The following EFR3A variants were observed in gnomAD, a reference collection of about 807,000 sequenced individuals.
EFR3A encodes EFR3 homolog A, also known as protein EFR3 homolog A.
In EFR3A, 76 loss-of-function variants were observed where a neutral mutation model predicts 104.4. That is an observed-to-expected ratio of 0.73 (90% CI 0.60 to 0.88). The LOEUF is 0.88. Among genes scored for constraint, EFR3A ranks in the 40% least tolerant of loss-of-function variants. The pLI is 0.00. For missense variants in EFR3A, 985 were observed against 1,012.5 expected, an observed-to-expected ratio of 0.97 and a Z score of 0.37; for synonymous variants, 330 against 330.0, an observed-to-expected ratio of 1.00 and a Z score of 0.00.
At chr8:131,975,963 A>G in intron 10 of EFR3A, 64 bp from the exon 11 acceptor site, 1 of 1,019,354 alleles carries the variant, frequency 9.8e-7, no homozygotes, top group Non-Finnish European at 1.5e-6. Flanking sequence ...GCTAAAAATA[A>G]TTTTGTATTA....
chr8:131,951,634 T>G (rs1364516919), intron 5 of EFR3A, among the ~76,000 whole-genome samples: 4 of 152,134 alleles, frequency 2.6e-5, no homozygotes, highest in Non-Finnish European at 5.9e-5. Context: ...GTGAAATATC[T>G]TGTCTTTTGA....
At position 131,977,094 on chromosome 8, in the gene EFR3A, T is replaced by C; in HGVS notation, c.1326+2T>C. 6.3e-7 allele frequency: 1 copy of C among 1,596,242 alleles called. No homozygotes were observed. Among genetic ancestry groups the C allele is most frequent in the Non-Finnish European group, 8.5e-7 (1 of 1,169,664 alleles). On this transcript the variant is annotated splice_donor_variant, in intron 12 of 22. Coordinates refer to ENST00000254624, the MANE Select transcript of EFR3A (RefSeq NM_015137.6). LOFTEE classifies it high-confidence loss of function. ...ATGTTGCTGAGATCTTTGCTTATGG[T>C]AAGGCATTTAAGACAAATAAAGGAC...
chr8:131,917,997 A>G (rs1315015819), intron 1 of EFR3A, among the ~76,000 whole-genome samples: 3 of 152,204 alleles, frequency 2.0e-5, no homozygotes, highest in Admixed American at 2.0e-4. Flanking sequence ...TGATAAATTA[A>G]AAGAATAGGG....
intron 22 of EFR3A, among the ~76,000 whole-genome samples, chr8:132,009,875 A>G (rs1822243662): frequency 6.6e-6 from 1 of 152,238 alleles, no homozygotes; most frequent in African/African-American, 2.4e-5. Context: ...GCATTTGGCA[A>G]CAAAAAAAGT....
Position 131,959,611 on chromosome 8 carries a change from A to G in EFR3A, c.803A>G (p.Asp268Gly). Residue 268 changes from aspartate to glycine, a missense_variant, in exon 8 of 23, where the codon GAT becomes GGT. Physicochemically the swap from Asp to Gly is moderately conservative, Grantham distance 94. Transcript: ENST00000254624. ...FAHLDHHKLW[D>G]PNEFAVHCFK... is the part of the protein sequence containing the mutation. ...CATTTAGATCATCACAAACTGTGGG[A>G]TCCCAATGAATTTGCAGTTCACTGC... The G allele has an allele frequency of 6.2e-7, 1 of 1,612,148 alleles. No individual in the cohort carries two copies.
At chr8:131,987,549 G>A (rs1316478640) in intron 17 of EFR3A, 26 bp from the exon 18 acceptor site, 1 of 1,573,296 alleles carries the variant, frequency 6.4e-7, no homozygotes, top group Non-Finnish European at 8.6e-7. Flanking sequence ...AATACTGAAT[G>A]ATTGTTGTTT....
chr8:131,975,960 A>T lies in EFR3A; in HGVS notation c.1160-67A>T, dbSNP rs747532275. 7.0e-5 allele frequency: 70 copies of T among 996,292 alleles called. No individual in the cohort carries two copies. In the Admixed American group the frequency reaches 8.0e-4, roughly 11 times the overall value. The allele number at this position is 996,292 out of a possible 1,614,324, so 61.7% of individuals were successfully genotyped here. ...CACATATTGAAAACTTTGGCTAAAA[A>T]TAATTTTGTATTATATGGAAAAGTA... On this transcript the variant is annotated intron_variant, in intron 10 of 22. Coordinates refer to ENST00000254624, the MANE Select transcript of EFR3A (RefSeq NM_015137.6).
Position 131,979,269 on chromosome 8 carries a change from A to G in EFR3A, c.1500-77A>G, listed in dbSNP as rs1022251644. The G allele has an allele frequency of 6.1e-5, 73 of 1,203,292 alleles. No individual in the cohort carries two copies. The Middle Eastern group carries it at 7.5e-4, about 12-fold the overall frequency. The allele number at this position is 1,203,292 out of a possible 1,614,324, so 74.5% of individuals were successfully genotyped here. A position where few individuals can be genotyped will look rare whatever the true frequency, so the allele number is the denominator to read the frequency against. ...AGGCTTATCAAACTCCTAAGTATAAATACAATTTTCCATATAAGATGTGAT... is the reference window on the plus strand; with the variant it reads ...AGGCTTATCAAACTCCTAAGTATAAGTACAATTTTCCATATAAGATGTGAT... On this transcript the variant is annotated intron_variant, in intron 13 of 22. Coordinates refer to ENST00000254624, the MANE Select transcript of EFR3A (RefSeq NM_015137.6).
At chr8:131,934,578 A>T (rs1817780941) in intron 1 of EFR3A, among the ~76,000 whole-genome samples, 1 of 152,110 alleles carries the variant, frequency 6.6e-6, no homozygotes, top group Admixed American at 6.6e-5. Context: ...TTGTCATTTG[A>T]AGCATAGTTT....
chr8:131,907,386 T>C (rs1190845211), intron 1 of EFR3A, among the ~76,000 whole-genome samples: 2 of 152,248 alleles, frequency 1.3e-5, no homozygotes, highest in Non-Finnish European at 1.5e-5. Context: ...TGTGCTCTTT[T>C]ATTTTATATG....
chr8:131,968,386 A>C lies in EFR3A; in HGVS notation c.947A>C (p.Gln316Pro). The C allele has an allele frequency of 6.2e-7, 1 of 1,613,636 alleles. No individual in the cohort carries two copies. The highest frequency in any genetic ancestry group is 8.5e-7 in the Non-Finnish European group (1 of 1,179,636). The change falls in exon 9 of 23, where the codon CAG becomes CCG. Residue 316 changes from glutamine to proline, a missense_variant. Coordinates refer to ENST00000254624, the MANE Select transcript of EFR3A (RefSeq NM_015137.6). ...DAPRVRAGII[Q>P]VLLEAVAIAA... The stretch of plus-strand genomic sequence containing the variant: ...CCCCGGGTTCGAGCAGGTATTATTC[A>C]GGTTCTGTTAGAGGCTGTTGCCATT...
intron 16 of EFR3A, 40 bp downstream of exon 16, chr8:131,985,100 C>G: frequency 1.3e-6 from 2 of 1,560,624 alleles, no homozygotes; most frequent in Non-Finnish European, 1.7e-6. Context: ...GAATTTTGTA[C>G]AAAATTGCTA....
At position 131,917,252 on chromosome 8, in the gene EFR3A, A is replaced by T. The variant is rs547994992; in HGVS notation, c.10+12930A>T. Among the ~76,000 whole-genome samples, 279 of 152,362 alleles carry T rather than the reference A, an allele frequency of 1.8e-3. 2 individuals are homozygous for T. Among genetic ancestry groups the T allele is most frequent in the African/African-American group, 6.5e-3 (271 of 41,588 alleles). ...AGACGAGCTGTCACCTGAGAGTATC[A>T]GTCAGCTCTTGGAGTTTTCAGTAAG... is the stretch of plus-strand genomic sequence containing the variant. On this transcript the variant is annotated intron_variant, in intron 1 of 22. Coordinates refer to ENST00000254624, the MANE Select transcript of EFR3A (RefSeq NM_015137.6).
chr8:131,927,672 C>T (rs1021284762), intron 1 of EFR3A, among the ~76,000 whole-genome samples: 2 of 151,910 alleles, frequency 1.3e-5, no homozygotes, highest in African/African-American at 4.8e-5. Context: ...TTTTAGGAAC[C>T]ATAACGTGTG....
At chr8:131,940,152 A>G (rs1227525197) in intron 1 of EFR3A, 2 of 237,974 alleles carry the variant, frequency 8.4e-6, no homozygotes, top group Non-Finnish European at 1.7e-5. Flanking sequence ...CTGTGGCTTG[A>G]GTAGAGTGGA....
In EFR3A at chr8:131,987,723, A is replaced by G. The variant is rs140451494; in HGVS notation, c.2065+21A>G. The G allele has an allele frequency of 1.5e-4, 232 of 1,565,586 alleles. No individual in the cohort carries two copies. In the East Asian group the frequency reaches 5.2e-3, roughly 35 times the overall value. ...AACAGGTAAGAGGAGGATAATTAGA[A>G]CTTTCACTCTGGTGATTGCTTATGT... On this transcript the variant is annotated intron_variant, in intron 18 of 22. Coordinates refer to ENST00000254624, the MANE Select transcript of EFR3A (RefSeq NM_015137.6).
intron 14 of EFR3A, among the ~76,000 whole-genome samples, chr8:131,979,842 T>G (rs757820565): frequency 6.6e-5 from 10 of 152,138 alleles, no homozygotes; most frequent in Non-Finnish European, 1.0e-4. Flanking sequence ...TTCTACACTA[T>G]TTGGGATATA....
chr8:131,922,506 AT>A (rs1196994341), intron 1 of EFR3A, among the ~76,000 whole-genome samples: 3 of 152,148 alleles, frequency 2.0e-5, no homozygotes, highest in Admixed American at 6.5e-5. Context: ...GGTCTCAAGC[AT>A]TTTTGATAAG....
chr8:131,984,286 G>T lies in EFR3A; in HGVS notation c.1723G>T (p.Ala575Ser), dbSNP rs776395415. ...AGTAGTTATTGATCTCATTCGACTG[G>T]CCATTGCTTTACAGGTATGCTTTCA... is the stretch of plus-strand genomic sequence containing the variant. ...EEVVIDLIRL[A>S]IALQDSAIIN... Residue 575 changes from alanine (A) to serine (S), a missense_variant, in exon 15 of 23, where the codon GCC (alanine) becomes TCC (serine). By Grantham distance (99) the Ala-to-Ser change is moderately conservative. Coordinates refer to ENST00000254624, the MANE Select transcript of EFR3A (RefSeq NM_015137.6). 2.3e-5 allele frequency: 37 copies of T among 1,597,974 alleles called. No individual in the cohort carries two copies. The highest frequency in any genetic ancestry group is 2.8e-5 in the Non-Finnish European group (33 of 1,173,086).
Sources: allele counts gnomAD v4.1 joint callset (sites outside exome capture counted in the v4.1 genomes callset), GRCh38; gene constraint gnomAD v4.1.1; transcripts MANE v1.5; gene names NCBI Gene and HGNC (gene_info 2026-07-23, HGNC 2026-07-21).